Variants in ADAMTS18 observed in about 807,000 individuals in gnomAD.
ADAMTS18 encodes the protein ADAM metallopeptidase with thrombospondin type 1 motif 18, also known as A disintegrin and metalloproteinase with thrombospondin motifs 18.
In ADAMTS18, 157 loss-of-function variants were observed where a neutral mutation model predicts 165.9. The ratio of observed to expected loss-of-function variants is 0.95; its 90% confidence interval spans 0.83 to 1.08. ADAMTS18 has a LOEUF of 1.08. Among genes scored for constraint, ADAMTS18 ranks in the 50% least tolerant of loss-of-function variants. ADAMTS18 has a pLI of 0.00. For missense variants in ADAMTS18, 2,040 were observed against 1,534.0 expected (o/e 1.33, Z -5.51); for synonymous variants, 782 against 578.2 (o/e 1.35, Z -5.06).
At chr16:77,357,325 C>G (rs2056646466) in intron 8 of ADAMTS18, among the ~76,000 whole-genome samples, 1 of 152,108 alleles carries the variant, frequency 6.6e-6, no homozygotes, top group Admixed American at 6.5e-5. Context: ...GTATGCTATC[C>G]TATCAGTGAC....
intron 10 of ADAMTS18, among the ~76,000 whole-genome samples, chr16:77,342,621 T>A (rs1047709443): frequency 3.4e-4 from 52 of 152,196 alleles, no homozygotes; most frequent in Non-Finnish European, 5.4e-4. Context: ...AGTTTTCAAA[T>A]ATGTAGACAA....
intron 18 of ADAMTS18, 59 bp from the exon 19 acceptor site, chr16:77,295,186 G>C: frequency 6.3e-7 from 1 of 1,583,276 alleles, no homozygotes; most frequent in Admixed American, 1.7e-5. Context: ...AACTTCCAAA[G>C]CAGTTACTGT....
intron 3 of ADAMTS18, among the ~76,000 whole-genome samples, chr16:77,407,074 T>A (rs756654594): frequency 6.6e-6 from 1 of 152,070 alleles, no homozygotes; most frequent in Admixed American, 6.6e-5. Flanking sequence ...CCTGCACATA[T>A]ATACCTCCTG....
chr16:77,434,681 G>A lies in ADAMTS18; in HGVS notation c.15C>T (p.Leu5=), dbSNP rs1428293159. 5 of 1,477,172 alleles carry A rather than the reference G, an allele frequency of 3.4e-6. No individual in the cohort carries two copies. Among genetic ancestry groups the A allele is most frequent in the East Asian group, 2.9e-5 (1 of 34,266 alleles). The allele number at this position is 1,477,172 out of a possible 1,614,324, so 91.5% of individuals were successfully genotyped here. A position where few individuals can be genotyped will look rare whatever the true frequency, so the allele number is the denominator to read the frequency against. The change falls in exon 1 of 23, where the codon CTC becomes CTT. Residue 5 remains leucine, a synonymous_variant. Transcript: ENST00000282849. MECA[L]LLACAFPAAG... ...CAGCCGGGAAGGCACACGCGAGCAG[G>A]AGGGCGCACTCCATGGTCAGGTGCG... is the stretch of plus-strand genomic sequence containing the variant.
chr16:77,432,196 A>G (rs1233002582), intron 2 of ADAMTS18, among the ~76,000 whole-genome samples: 1 of 152,204 alleles, frequency 6.6e-6, no homozygotes, highest in Non-Finnish European at 1.5e-5. Flanking sequence ...TTTATGTGTG[A>G]TAAGAAAACT....
Position 77,413,637 on chromosome 16 carries a change from A to G in ADAMTS18, c.495+17658T>C, listed in dbSNP as rs547380231. ...TTGGGTTTTAATTTCCTGACCATGG[A>G]TATTTTTAAAACTATAATTGCTTTG... On this transcript the variant is annotated intron_variant, in intron 3 of 22. Coordinates refer to ENST00000282849, the MANE Select transcript of ADAMTS18 (RefSeq NM_199355.4). Among the ~76,000 whole-genome samples, 5 of 152,286 alleles carry G rather than the reference A, an allele frequency of 3.3e-5. No individual in the cohort carries two copies. In the East Asian group the frequency reaches 9.6e-4, roughly 29 times the overall value.
chr16:77,417,726 G>C (rs2057549066), intron 3 of ADAMTS18, among the ~76,000 whole-genome samples: 4 of 152,180 alleles, frequency 2.6e-5, no homozygotes, highest in Admixed American at 2.6e-4. Context: ...CTAGCACTAG[G>C]CTAAAACTTA....
chr16:77,383,246 G>A lies in ADAMTS18; in HGVS notation c.496-15523C>T, dbSNP rs147588726. Among the ~76,000 whole-genome samples, 10 of 151,912 alleles carry A rather than the reference G, an allele frequency of 6.6e-5. No individual in the cohort carries two copies. In the East Asian group the frequency reaches 1.7e-3, roughly 27 times the overall value. On this transcript the variant is annotated intron_variant, in intron 3 of 22. Transcript: ENST00000282849. ...TTTTTCCAAAGCATCGCTTTTAACG[G>A]GTCATTCACCATCATGCTCTATCAC...
Position 77,283,314 on chromosome 16 carries a change from C to T in ADAMTS18, c.*642G>A, listed in dbSNP as rs1053284846. The T allele has an allele frequency of 6.5e-6, 1 of 152,838 alleles. No homozygotes were observed. The highest frequency in any genetic ancestry group is 1.5e-5 in the Non-Finnish European group (1 of 68,280). The allele number at this position is 152,838 out of a possible 1,614,324, so 9.5% of individuals were successfully genotyped here. Reference sequence around the variant, plus strand: ...TATTTTCATAATATTCCTTGGAATACTTTTCAAGTTGTCAATTTTAGTCTC... The same window carrying T: ...TATTTTCATAATATTCCTTGGAATATTTTTCAAGTTGTCAATTTTAGTCTC... On this transcript the variant is annotated 3_prime_UTR_variant, in exon 23 of 23. Transcript: ENST00000282849.
chr16:77,402,306 C>A (rs1484937496), intron 3 of ADAMTS18, among the ~76,000 whole-genome samples: 1 of 152,204 alleles, frequency 6.6e-6, no homozygotes, highest in Non-Finnish European at 1.5e-5. Context: ...AAGGAATATT[C>A]CACTGGCAGA....
At position 77,284,123 on chromosome 16, in the gene ADAMTS18, C is replaced by CTTTT. The variant is rs34369567; in HGVS notation, c.3551-56_3551-53dup. 1.7e-5 allele frequency: 16 copies of CTTTT among 951,608 alleles called. No homozygotes were observed. In the East Asian group the frequency reaches 1.7e-4, roughly 10 times the overall value. The allele number at this position is 951,608 out of a possible 1,614,324, so 58.9% of individuals were successfully genotyped here. On this transcript the variant is annotated intron_variant, in intron 22 of 22. Transcript: ENST00000282849. ...GTTGGCTAGGGTGTCTATCCTTTTT[C>CTTTT]TTTTTTTTTTTTTTTGAGATGGAGT...
chr16:77,307,164 A>G (rs1223327751), intron 16 of ADAMTS18, among the ~76,000 whole-genome samples: 1 of 152,222 alleles, frequency 6.6e-6, no homozygotes, highest in African/African-American at 2.4e-5. Flanking sequence ...CTGAAATATA[A>G]TAGACTTTAT....
intron 16 of ADAMTS18, among the ~76,000 whole-genome samples, chr16:77,301,707 A>C (rs2055585951): frequency 6.6e-6 from 1 of 152,258 alleles, no homozygotes; most frequent in Non-Finnish European, 1.5e-5. Context: ...GGATGGTACA[A>C]AATGACTTCT....
At chr16:77,285,326 C>G (rs894864340) in intron 22 of ADAMTS18, among the ~76,000 whole-genome samples, 1 of 152,144 alleles carries the variant, frequency 6.6e-6, no homozygotes, top group Admixed American at 6.5e-5. Context: ...GCACCCACCA[C>G]CACGCCCAGT....
chr16:77,310,591 A>C (rs372902500), intron 16 of ADAMTS18, among the ~76,000 whole-genome samples: 1 of 152,172 alleles, frequency 6.6e-6, no homozygotes, highest in East Asian at 1.9e-4. Flanking sequence ...TTAAAGACTT[A>C]AGGCTGTAAA....
intron 4 of ADAMTS18, 144 bp downstream of exon 4, chr16:77,367,295 TGA>T: frequency 2.4e-6 from 2 of 838,338 alleles, no homozygotes; most frequent in Non-Finnish European, 3.9e-6. Flanking sequence ...AGCATTTGCC[TGA>T]GAGAGATAAT....
At chr16:77,339,421 C>T (rs1001992747) in intron 11 of ADAMTS18, among the ~76,000 whole-genome samples, 3 of 152,094 alleles carry the variant, frequency 2.0e-5, no homozygotes, top group Middle Eastern at 3.4e-3. Flanking sequence ...TTATTTATCT[C>T]GTGTTCTGTT....
At chr16:77,363,355 T>C (rs1293992991) in intron 6 of ADAMTS18, among the ~76,000 whole-genome samples, 1 of 152,134 alleles carries the variant, frequency 6.6e-6, no homozygotes, top group African/African-American at 2.4e-5. Context: ...TTTTCTGATG[T>C]CTTATTTTCA....
intron 3 of ADAMTS18, among the ~76,000 whole-genome samples, chr16:77,401,334 T>A (rs569874316): frequency 6.6e-6 from 1 of 152,288 alleles, no homozygotes; most frequent in South Asian, 2.1e-4. Context: ...TAATCCAAGA[T>A]AATAGCAAAT....
Sources: gnomAD v4.1 joint callset for allele counts (sites outside exome capture counted in the v4.1 genomes callset) on GRCh38, gnomAD v4.1.1 for gene constraint, MANE v1.5 for transcripts, NCBI Gene and HGNC (gene_info 2026-07-23, HGNC 2026-07-21) for gene names.